Variants in TP73 observed in about 807,000 individuals in gnomAD.
The protein encoded by TP73 is p53-like transcription factor.
A neutral mutation model predicts 62.5 loss-of-function variants in TP73; 25 were observed. The ratio of observed to expected loss-of-function variants is 0.40; its 90% CI spans 0.29 to 0.56. TP73 has a LOEUF of 0.56. TP73 is among the 20% of genes least tolerant of loss of function. TP73 has a pLI of 0.46. For synonymous variants in TP73, 423 were observed against 377.5 expected (o/e 1.12, Z -1.40); for missense variants, 754 against 913.3 (o/e 0.83, Z 2.25).
rs868861140 is a variant in TP73 at position 3,685,006 on chromosome 1, G to A, written c.186+1826G>A. On this transcript the variant is annotated intron_variant, in intron 3 of 13. Coordinates refer to ENST00000378295, the MANE Select transcript of TP73 (RefSeq NM_005427.4). Reference sequence around the variant, plus strand: ...CCTCCAGGTCCCCTTCTGGACATCCGTGTCCTCCAATCTGGGGAGGGGCAG... The same window carrying A: ...CCTCCAGGTCCCCTTCTGGACATCCATGTCCTCCAATCTGGGGAGGGGCAG... Among the ~76,000 whole-genome samples, 9 of 152,088 alleles carry A rather than the reference G, an allele frequency of 5.9e-5. No individual in the cohort carries two copies. The South Asian group carries it at 1.9e-3, about 31-fold the overall frequency.
chr1:3,729,996 G>A lies in TP73; in HGVS notation c.1197-4G>A, dbSNP rs928891832. 1.3e-6 allele frequency: 2 copies of A among 1,585,054 alleles called. No homozygotes were observed. Among genetic ancestry groups the A allele is most frequent in the Non-Finnish European group, 1.7e-6 (2 of 1,159,888 alleles). ...CACCCATGCGAGCCGTTGCTTCTGA[G>A]CAGGAGTCACCTACAGCCCCCGTCC... On this transcript the variant is annotated splice_region_variant and splice_polypyrimidine_tract_variant and intron_variant, in intron 10 of 13. Coordinates refer to ENST00000378295, the MANE Select transcript of TP73 (RefSeq NM_005427.4).
chr1:3,716,331 T>C (rs1024747910), intron 4 of TP73, among the ~76,000 whole-genome samples: 1 of 152,212 alleles, frequency 6.6e-6, no homozygotes, highest in Non-Finnish European at 1.5e-5. Flanking sequence ...TGGGCAGCGC[T>C]GGGCCTGGCA....
At position 3,734,948 on chromosome 1, in the gene TP73, T is replaced by C. The variant is rs575653856; in HGVS notation, c.*1869T>C. The C allele has an allele frequency of 1.7e-4, 26 of 152,332 alleles. No homozygotes were observed. Among genetic ancestry groups the C allele is most frequent in the African/African-American group, 5.8e-4 (24 of 41,544 alleles). 9.4% of individuals were successfully genotyped at this position (152,332 alleles called of 1,614,324 possible). On this transcript the variant is annotated 3_prime_UTR_variant, in exon 14 of 14. Coordinates refer to ENST00000378295, the MANE Select transcript of TP73 (RefSeq NM_005427.4). The surrounding 1 kb of genome is among the most constrained non-coding windows in gnomAD (Gnocchi z 4.4). ...GGGCAGGAAGCTCTGGCCGCTTAGC[T>C]TCTAGGGTTCCATCTCCCTAGAAAG...
At position 3,667,822 on chromosome 1, in the gene TP73, C is replaced by T. The variant is rs572732392; in HGVS notation, c.-33-14511C>T. Reference sequence around the variant, plus strand: ...ATAAACAAGGGCTTGCCCTGTAGTTCACATCTGGACCACCCAGCTTAAAAT... The same window carrying T: ...ATAAACAAGGGCTTGCCCTGTAGTTTACATCTGGACCACCCAGCTTAAAAT... On this transcript the variant is annotated intron_variant, in intron 1 of 13. Transcript: ENST00000378295. 3.9e-4 allele frequency among the ~76,000 whole-genome samples: 59 copies of T among 152,014 alleles called. No homozygotes were observed. In the South Asian group the frequency reaches 0.012, roughly 31 times the overall value.
At chr1:3,709,970 C>A (rs1349188588) in intron 4 of TP73, among the ~76,000 whole-genome samples, 1 of 152,152 alleles carries the variant, frequency 6.6e-6, no homozygotes, top group South Asian at 2.1e-4. Context: ...CACCCCCACC[C>A]CCTGCCAGGT....
chr1:3,722,271 G>A (rs1285200054), intron 5 of TP73, 64 bp downstream of exon 5: 16 of 1,569,386 alleles, frequency 1.0e-5, no homozygotes, highest in Admixed American at 3.7e-5. Context: ...CAGCACAGCC[G>A]GGGGCTGCCT....
chr1:3,653,912 T>C (rs1248912625), intron 1 of TP73, among the ~76,000 whole-genome samples: 3 of 152,242 alleles, frequency 2.0e-5, no homozygotes, highest in African/African-American at 4.8e-5. Context: ...AGCTCACGCC[T>C]GTCATCCCTC....
At position 3,726,582 on chromosome 1, in the gene TP73, G is replaced by A. The variant is rs186021922; in HGVS notation, c.733-533G>A. On this transcript the variant is annotated intron_variant, in intron 6 of 13. Coordinates refer to ENST00000378295, the MANE Select transcript of TP73 (RefSeq NM_005427.4). ...TGGGTAGATAATAAGTGGGGGAGTGGATGGATGGATGGATGGGGTGGATGG... is the reference window on the plus strand; with the variant it reads ...TGGGTAGATAATAAGTGGGGGAGTGAATGGATGGATGGATGGGGTGGATGG... Among the ~76,000 whole-genome samples, 12 of 148,084 alleles carry A rather than the reference G, an allele frequency of 8.1e-5. No individual in the cohort carries two copies. The East Asian group carries it at 1.5e-3, about 18-fold the overall frequency.
intron 1 of TP73, among the ~76,000 whole-genome samples, chr1:3,675,907 T>C (rs994472657): frequency 6.6e-6 from 1 of 151,828 alleles, no homozygotes; most frequent in Non-Finnish European, 1.5e-5. Flanking sequence ...GGGGAGAGGA[T>C]GGGGCGTCAG....
At chr1:3,700,588 G>C (rs1639076010) in intron 3 of TP73, among the ~76,000 whole-genome samples, 1 of 152,182 alleles carries the variant, frequency 6.6e-6, no homozygotes, top group Admixed American at 6.5e-5. Flanking sequence ...CCTGAGGTCA[G>C]GAGTTCGAGA....
At chr1:3,659,464 T>C (rs953283052) in intron 1 of TP73, 2 of 151,958 alleles carry the variant, frequency 1.3e-5, no homozygotes, top group Non-Finnish European at 2.9e-5. Context: ...TGGGAGAAAA[T>C]TGAAAGTGTT....
At chr1:3,693,863 A>C (rs75525168) in intron 3 of TP73, among the ~76,000 whole-genome samples, 1 of 22,902 alleles carries the variant, frequency 4.4e-5, no homozygotes, top group African/African-American at 1.0e-4. Context: ...TCCTCCTCCC[A>C]CAATCCCACC....
chr1:3,708,324 A>C (rs1639848097), intron 4 of TP73: 1 of 168,958 alleles, frequency 5.9e-6, no homozygotes, highest in Non-Finnish European at 1.3e-5. Flanking sequence ...CCACCGTGCC[A>C]AGGGCTCAGG....
In TP73 at chr1:3,724,987, C is replaced by A. The variant is rs149010960; in HGVS notation, c.732+1518C>A. On this transcript the variant is annotated intron_variant, in intron 6 of 13. Coordinates refer to ENST00000378295, the MANE Select transcript of TP73 (RefSeq NM_005427.4). Reference sequence around the variant, plus strand: ...TGAGCCAAGATCGCGCCATTGCACTCCAGCCTGGGGGACAGAGAGAGACTC... The same window carrying A: ...TGAGCCAAGATCGCGCCATTGCACTACAGCCTGGGGGACAGAGAGAGACTC... 1.9e-3 allele frequency among the ~76,000 whole-genome samples: 293 copies of A among 152,156 alleles called. 1 individual carries two copies. The highest frequency in any genetic ancestry group is 6.8e-3 in the African/African-American group (282 of 41,500).
Position 3,729,383 on chromosome 1 carries a change from G to T in TP73, c.1131G>T (p.Leu377=). The change falls in exon 10 of 14, where the codon CTG becomes CTT. Residue 377 remains leucine, a synonymous_variant. Coordinates refer to ENST00000378295, the MANE Select transcript of TP73 (RefSeq NM_005427.4). ...TGAAGCTGAAAGAGAGCCTGGAGCTGATGGAGTTGGTGCCGCAGCCACTGG... is the reference window on the plus strand; with the variant it reads ...TGAAGCTGAAAGAGAGCCTGGAGCTTATGGAGTTGGTGCCGCAGCCACTGG... ...ILMKLKESLE[L]MELVPQPLVD... The T allele has an allele frequency of 6.2e-7, 1 of 1,613,220 alleles. No individual in the cohort carries two copies. Among genetic ancestry groups the T allele is most frequent in the Non-Finnish European group, 8.5e-7 (1 of 1,180,012 alleles).
In TP73 at chr1:3,681,641, C is replaced by T. The variant is rs768008394; in HGVS notation, c.-33-692C>T. On this transcript the variant is annotated intron_variant, in intron 1 of 13. Coordinates refer to ENST00000378295, the MANE Select transcript of TP73 (RefSeq NM_005427.4). ...TGTGGCCCTGGGGTGCAGGAAGGAG[C>T]CCCAGCTCAGAAGGCGAGGGGGCGT... Among the ~76,000 whole-genome samples the T allele has an allele frequency of 6.9e-4, 105 of 152,286 alleles. 1 individual carries two copies. In the Middle Eastern group the frequency reaches 0.024, roughly 35 times the overall value.
Position 3,727,221 on chromosome 1 carries a change from G to A in TP73, c.839G>A (p.Arg280Gln), listed in dbSNP as rs763066676. The A allele has an allele frequency of 3.2e-5, 52 of 1,611,488 alleles. No homozygotes were observed. Among genetic ancestry groups the A allele is most frequent in the Non-Finnish European group, 4.1e-5 (48 of 1,179,194 alleles). The stretch of plus-strand genomic sequence containing the variant: ...CTCATCATCATCACCCTGGAGATGC[G>A]GGAGTGAGTCCCGGGCACACGGGGT... The part of the protein sequence containing the change: ...PILIIITLEM[R>Q]DGQVLGRRSF... The change falls in exon 7 of 14, where the codon CGG becomes CAG. Residue 280 changes from arginine (R) to glutamine (Q), a missense_variant. Physicochemically the swap from Arg to Gln is conservative, Grantham distance 43. Coordinates refer to ENST00000378295, the MANE Select transcript of TP73 (RefSeq NM_005427.4).
chr1:3,692,639 C>T (rs1158793586), intron 3 of TP73, among the ~76,000 whole-genome samples: 1 of 152,194 alleles, frequency 6.6e-6, no homozygotes, highest in Non-Finnish European at 1.5e-5. Flanking sequence ...GGCTGCTGGA[C>T]CGCCTGGAAC....
chr1:3,692,361 C>G (rs576594030), intron 3 of TP73, among the ~76,000 whole-genome samples: 79 of 152,294 alleles, frequency 5.2e-4, no homozygotes, highest in African/African-American at 1.8e-3. Context: ...GCACTCGAGT[C>G]TGGCGGCACC....
Sources: gnomAD v4.1 joint callset for allele counts (sites outside exome capture counted in the v4.1 genomes callset) on GRCh38, gnomAD v4.1.1 for gene constraint, Gnocchi (gnomAD v3.1) non-coding constraint, MANE v1.5 for transcripts, NCBI Gene and HGNC (gene_info 2026-07-23, HGNC 2026-07-21) for gene names.